Variants in CTNNA2 observed in about 807,000 individuals in gnomAD.
CTNNA2 encodes the protein catenin alpha 2, also known as catenin alpha-2.
In CTNNA2, 42 loss-of-function variants were observed where a neutral mutation model predicts 101.0. The observed-to-expected ratio is 0.42, with a 90% CI of 0.32 to 0.54. The LOEUF (loss-of-function observed/expected upper bound fraction) is 0.54. Among genes scored for constraint, CTNNA2 ranks in the 20% least tolerant of loss-of-function variants. The pLI, the probability that CTNNA2 is intolerant of heterozygous loss-of-function variation, is 0.14. For missense variants in CTNNA2, 871 were observed against 1,223.1 expected (o/e 0.71, Z 4.29); for synonymous variants, 450 against 456.4 (o/e 0.99, Z 0.18).
At chr2:79,672,708 C>CTT (rs768344475) in intron 2 of CTNNA2, among the ~76,000 whole-genome samples, 47 of 134,302 alleles carry the variant, frequency 3.5e-4, no homozygotes, top group African/African-American at 6.8e-4. Flanking sequence ...TTTCTTTTTT[C>CTT]TTTTTTTTTT....
chr2:79,206,247 A>G (rs1468905255), intron 2 of CTNNA2, among the ~76,000 whole-genome samples: 1 of 151,974 alleles, frequency 6.6e-6, no homozygotes, highest in East Asian at 1.9e-4. Context: ...GAATTCGGCA[A>G]TTATGGAAAA....
At position 80,596,394 on chromosome 2, in the gene CTNNA2, C is replaced by T. The variant is rs192546312; in HGVS notation, c.2189+6909C>T. Among the ~76,000 whole-genome samples the T allele has an allele frequency of 4.1e-3, 577 of 141,062 alleles. 2 individuals are homozygous for T. The highest frequency in any genetic ancestry group is 0.014 in the African/African-American group (549 of 38,358). The allele number at this position is 141,062 out of a possible 152,430, so 92.5% of individuals were successfully genotyped here. On this transcript the variant is annotated intron_variant, in intron 15 of 18. Transcript: ENST00000402739. ...GCGTGATCTCGGCTCACTGCAAGCT[C>T]CACCTCCCGGGTTCATGCCATTCTC...
rs1481700878 is a variant in CTNNA2, at chr2:80,019,443, C to T, written c.1056+109646C>T. Among the ~76,000 whole-genome samples, 6 of 152,276 alleles carry T rather than the reference C, an allele frequency of 3.9e-5. No homozygotes were observed. The South Asian group carries it at 8.3e-4, about 21-fold the overall frequency. On this transcript the variant is annotated intron_variant, in intron 7 of 18. Coordinates refer to ENST00000402739, the MANE Select transcript of CTNNA2 (RefSeq NM_001282597.3). ...CCAAAACCTTCATCTTTTTCTCCTA[C>T]GTACTCAAGAAACCAGGAAAGCATA... is the stretch of plus-strand genomic sequence containing the variant.
At chr2:79,637,531 T>C (rs920283458) in intron 1 of CTNNA2, among the ~76,000 whole-genome samples, 1 of 152,200 alleles carries the variant, frequency 6.6e-6, no homozygotes, top group Non-Finnish European at 1.5e-5. Flanking sequence ...AGACCTTCCA[T>C]ATTGGATTAG....
intron 18 of CTNNA2, among the ~76,000 whole-genome samples, chr2:80,633,658 G>A (rs2149836536): frequency 6.6e-6 from 1 of 152,254 alleles, no homozygotes; most frequent in East Asian, 1.9e-4. Flanking sequence ...GAGCCTTCAA[G>A]TAGACCAAAA....
intron 11 of CTNNA2, 139 bp from the exon 12 acceptor site, chr2:80,555,554 C>T (rs1253345371): frequency 4.4e-6 from 2 of 451,652 alleles, no homozygotes; most frequent in Admixed American, 8.4e-5. Context: ...AAACTATGTC[C>T]TTTACATACA....
intron 7 of CTNNA2, among the ~76,000 whole-genome samples, chr2:79,961,618 A>C (rs1002141896): frequency 1.1e-4 from 17 of 151,918 alleles, no homozygotes; most frequent in Middle Eastern, 3.4e-3. Flanking sequence ...GTCAGGAGAT[A>C]GAGACCATCC....
At chr2:79,724,814 CAAAAAAAAAA>C (rs60016527) in intron 2 of CTNNA2, among the ~76,000 whole-genome samples, 1 of 74,104 alleles carries the variant, frequency 1.3e-5, no homozygotes, top group African/African-American at 5.3e-5. Context: ...GACTCCACCT[CAAAAAAAAAA>C]AAAAAAAAAA....
chr2:80,537,260 C>T (rs1024391338), intron 9 of CTNNA2, among the ~76,000 whole-genome samples: 5 of 152,100 alleles, frequency 3.3e-5, no homozygotes, highest in African/African-American at 1.2e-4. Context: ...TGAACCCATT[C>T]TTTTTTATGG....
intron 4 of CTNNA2, among the ~76,000 whole-genome samples, chr2:79,427,160 A>G (rs1316551144): frequency 6.6e-6 from 1 of 152,108 alleles, no homozygotes; most frequent in African/African-American, 2.4e-5. Context: ...TGAACAACAC[A>G]ATGTCATATC....
chr2:80,193,366 T>C (rs1326924445), intron 7 of CTNNA2, among the ~76,000 whole-genome samples: 5 of 152,130 alleles, frequency 3.3e-5, no homozygotes, highest in Non-Finnish European at 5.9e-5. Flanking sequence ...GAAATGGCAA[T>C]CGGTATATTT....
intron 15 of CTNNA2, among the ~76,000 whole-genome samples, chr2:80,595,487 G>A (rs1166104898): frequency 6.6e-6 from 1 of 152,100 alleles, no homozygotes; most frequent in African/African-American, 2.4e-5. Context: ...GATTGCACTG[G>A]CTGGGATTTC....
At chr2:79,416,075 G>C (rs948748875) in intron 4 of CTNNA2, among the ~76,000 whole-genome samples, 7 of 152,094 alleles carry the variant, frequency 4.6e-5, no homozygotes, top group Admixed American at 3.3e-4. Flanking sequence ...TAAGATACTT[G>C]AATCAGCAAC....
intron 6 of CTNNA2, among the ~76,000 whole-genome samples, chr2:79,887,295 T>C (rs190871346): frequency 8.1e-4 from 124 of 152,292 alleles, no homozygotes; most frequent in African/African-American, 2.9e-3. Flanking sequence ...ACTGAGGAAG[T>C]AGAATCAACA....
intron 7 of CTNNA2, among the ~76,000 whole-genome samples, chr2:80,280,296 T>A (rs1225766856): frequency 6.7e-6 from 1 of 150,310 alleles, no homozygotes; most frequent in Non-Finnish European, 1.5e-5. Flanking sequence ...ATTCATTATT[T>A]CTTTTGCCAA....
chr2:80,407,682 T>G (rs1679190221), intron 8 of CTNNA2, among the ~76,000 whole-genome samples: 2 of 152,208 alleles, frequency 1.3e-5, no homozygotes, highest in Non-Finnish European at 1.5e-5. Flanking sequence ...TAAAGGACCT[T>G]GAATCCAACT....
chr2:79,334,907 C>T (rs897781290), intron 3 of CTNNA2, among the ~76,000 whole-genome samples: 6 of 152,132 alleles, frequency 3.9e-5, no homozygotes, highest in Admixed American at 1.3e-4. Flanking sequence ...ACTAAAAACA[C>T]TCTCTAGACT....
intron 2 of CTNNA2, among the ~76,000 whole-genome samples, chr2:79,683,633 G>A (rs1382760762): frequency 6.6e-6 from 1 of 152,218 alleles, no homozygotes; most frequent in Admixed American, 6.5e-5. Context: ...ATTGTTAAGT[G>A]TCTGCACTCA....
intron 2 of CTNNA2, among the ~76,000 whole-genome samples, chr2:79,661,179 C>T (rs1052229128): frequency 6.6e-6 from 1 of 152,172 alleles, no homozygotes; most frequent in African/African-American, 2.4e-5. Flanking sequence ...TATCATTGCA[C>T]TCTGTTTAGC....
Sources: allele counts gnomAD v4.1 joint callset (sites outside exome capture counted in the v4.1 genomes callset), GRCh38; gene constraint gnomAD v4.1.1; transcripts MANE v1.5; gene names NCBI Gene and HGNC (gene_info 2026-07-23, HGNC 2026-07-21).